The following CCDC38 variants were observed in gnomAD, a reference collection of about 807,000 sequenced individuals.
CCDC38 encodes the protein coiled-coil domain containing 38, also known as coiled-coil domain-containing protein 38.
In CCDC38, 69 loss-of-function variants were observed where a neutral mutation model predicts 72.8. That is an observed-to-expected ratio of 0.95 (90% CI 0.78 to 1.16). CCDC38 has a LOEUF of 1.16. Among genes scored for constraint, CCDC38 ranks in the 50% most tolerant of loss-of-function variants. The probability of loss-of-function intolerance (pLI) is 0.00; values close to 1 mark genes in which losing one functional copy is unlikely to be tolerated. For synonymous variants in CCDC38, 201 were observed against 213.2 expected (o/e 0.94, Z 0.50); for missense variants, 626 against 638.9 (o/e 0.98, Z 0.22).
Position 95,879,536 on chromosome 12 carries a change from C to T in CCDC38, c.1142+108G>A. Reference sequence around the variant, plus strand: ...CAATGTAAACTATTAAAAACCCCAGCCTACATTCACAGAGACCACGAGGAA... The same window carrying T: ...CAATGTAAACTATTAAAAACCCCAGTCTACATTCACAGAGACCACGAGGAA... On this transcript the variant is annotated intron_variant, in intron 12 of 15. Transcript: ENST00000344280. The surrounding 1 kb of genome is among the most constrained non-coding windows in gnomAD (Gnocchi z 5.5). 1 of 692,776 alleles carries T rather than the reference C, an allele frequency of 1.4e-6. No homozygotes were observed. The highest frequency in any genetic ancestry group is 2.4e-6 in the Non-Finnish European group (1 of 419,130). 42.9% of individuals were successfully genotyped at this position (692,776 alleles called of 1,614,324 possible).
rs1340618969 is a variant in CCDC38 at position 95,890,861 on chromosome 12, T to C, written c.842A>G (p.Glu281Gly). The C allele has an allele frequency of 1.2e-6, 2 of 1,606,696 alleles. No individual in the cohort carries two copies. Among genetic ancestry groups the C allele is most frequent in the African/African-American group, 2.7e-5 (2 of 74,728 alleles). Reference sequence around the variant, plus strand: ...GCTGTCTCTTCCCTGAGAAGCATCTTCTGAAAGGACAGCTGTCCTCCCGGA... The same window carrying C: ...GCTGTCTCTTCCCTGAGAAGCATCTCCTGAAAGGACAGCTGTCCTCCCGGA... ...EESGRTAVLS[E>G]DASQGRDSQG... The change falls in exon 9 of 16, where the codon GAA (glutamate) becomes GGA (glycine). Residue 281 changes from glutamate to glycine, a missense_variant. By Grantham distance (98) the Glu-to-Gly change is moderately conservative. Coordinates refer to ENST00000344280, the MANE Select transcript of CCDC38 (RefSeq NM_182496.3).
intron 4 of CCDC38, among the ~76,000 whole-genome samples, chr12:95,911,308 A>G (rs1414633237): frequency 2.0e-5 from 3 of 152,210 alleles, no homozygotes; most frequent in Non-Finnish European, 4.4e-5. Flanking sequence ...AATCTGGGAC[A>G]TACTCTTCCA....
At chr12:95,941,650 T>A (rs1264379723) in intron 1 of CCDC38, among the ~76,000 whole-genome samples, 1 of 152,262 alleles carries the variant, frequency 6.6e-6, no homozygotes, top group African/African-American at 2.4e-5. Context: ...GATTAAAGTC[T>A]TCAGCAGAAA....
intron 4 of CCDC38, among the ~76,000 whole-genome samples, chr12:95,912,555 G>A (rs1354852938): frequency 2.6e-5 from 4 of 152,138 alleles, no homozygotes; most frequent in Admixed American, 2.6e-4. Context: ...AGCGCTGTAA[G>A]GTGACTATAG....
In CCDC38 at chr12:95,890,995, AAG is replaced by A; in HGVS notation, c.773-67_773-66del. The A allele has an allele frequency of 4.6e-6, 4 of 870,734 alleles. No individual in the cohort carries two copies. The Admixed American group carries it at 5.8e-5, about 13-fold the overall frequency. The allele number at this position is 870,734 out of a possible 1,614,324, so 53.9% of individuals were successfully genotyped here. A position where few individuals can be genotyped will look rare whatever the true frequency, so the allele number is the denominator to read the frequency against. On this transcript the variant is annotated intron_variant, in intron 8 of 15. Coordinates refer to ENST00000344280, the MANE Select transcript of CCDC38 (RefSeq NM_182496.3). ...TGGGGGGAAAAAAACACTGCTGAGA[AAG>A]AGAGCTTTGTCTCAGGGTGAAGATA...
chr12:95,941,330 C>T (rs2080448415), intron 1 of CCDC38, among the ~76,000 whole-genome samples: 1 of 152,168 alleles, frequency 6.6e-6, no homozygotes, highest in African/African-American at 2.4e-5. Flanking sequence ...AGGATTAAAA[C>T]ACACGAATAA....
At chr12:95,897,132 T>G (rs1027695303) in intron 7 of CCDC38, among the ~76,000 whole-genome samples, 6 of 152,150 alleles carry the variant, frequency 3.9e-5, no homozygotes, top group African/African-American at 1.4e-4. Flanking sequence ...CTGCTTTATT[T>G]CAGACTCGCT....
At chr12:95,935,754 A>G (rs1479801728) in intron 2 of CCDC38, among the ~76,000 whole-genome samples, 1 of 152,178 alleles carries the variant, frequency 6.6e-6, no homozygotes, top group Non-Finnish European at 1.5e-5. Context: ...CTTATATACC[A>G]ATAAATACTA....
intron 10 of CCDC38, among the ~76,000 whole-genome samples, chr12:95,888,220 A>G (rs1285574629): frequency 1.3e-5 from 2 of 152,220 alleles, no homozygotes; most frequent in African/African-American, 2.4e-5. Context: ...TGAGAAGCAA[A>G]GACCCAAGAT....
intron 1 of CCDC38, 71 bp from the exon 2 acceptor site, chr12:95,936,594 G>T: frequency 1.6e-6 from 2 of 1,234,468 alleles, no homozygotes; most frequent in Non-Finnish European, 2.3e-6. Flanking sequence ...AAATTCAACT[G>T]CCAATGACTC....
chr12:95,868,968 T>C (rs896400342), intron 15 of CCDC38, among the ~76,000 whole-genome samples: 1 of 152,208 alleles, frequency 6.6e-6, no homozygotes, highest in Non-Finnish European at 1.5e-5. Context: ...TGCGATTCTC[T>C]GGGTTCACAT....
intron 8 of CCDC38, 99 bp downstream of exon 8, chr12:95,894,890 C>T (rs2079868722): frequency 1.0e-6 from 1 of 999,312 alleles, no homozygotes; most frequent in Admixed American, 2.5e-5. Context: ...TAGTTTAGAT[C>T]CTGCTTAAAA....
At chr12:95,909,081 T>C (rs934590963) in intron 4 of CCDC38, among the ~76,000 whole-genome samples, 1 of 151,426 alleles carries the variant, frequency 6.6e-6, no homozygotes, top group East Asian at 2.0e-4. Flanking sequence ...GACAAAAAAA[T>C]AAAATCATAC....
At chr12:95,890,103 G>GT (rs1480233669) in intron 9 of CCDC38, among the ~76,000 whole-genome samples, 2 of 152,036 alleles carry the variant, frequency 1.3e-5, no homozygotes, top group Non-Finnish European at 2.9e-5. Context: ...GCAGATATGG[G>GT]TTTTTTCCAT....
At chr12:95,886,956 T>C (rs1480460087) in intron 10 of CCDC38, among the ~76,000 whole-genome samples, 1 of 152,186 alleles carries the variant, frequency 6.6e-6, no homozygotes, top group African/African-American at 2.4e-5. Context: ...GGCCAAGTCA[T>C]GTGGATCACC....
intron 11 of CCDC38, among the ~76,000 whole-genome samples, chr12:95,881,097 A>G (rs2079695093): frequency 6.6e-6 from 1 of 151,994 alleles, no homozygotes; most frequent in South Asian, 2.1e-4. Context: ...GGTTAGCTCA[A>G]AGTCAATCTT....
chr12:95,935,237 T>C (rs1222016294), intron 2 of CCDC38: 2 of 152,332 alleles, frequency 1.3e-5, no homozygotes, highest in Non-Finnish European at 2.9e-5. Flanking sequence ...ATACTACTAG[T>C]GAACCCCCAA....
intron 15 of CCDC38, among the ~76,000 whole-genome samples, chr12:95,868,298 G>A (rs1315798885): frequency 4.0e-5 from 6 of 151,874 alleles, no homozygotes; most frequent in South Asian, 2.1e-4. Context: ...GAATACAAAC[G>A]TCATAAAACT....
intron 2 of CCDC38, among the ~76,000 whole-genome samples, chr12:95,922,835 T>G (rs1238573567): frequency 1.3e-5 from 2 of 152,122 alleles, no homozygotes; most frequent in African/African-American, 2.4e-5. Flanking sequence ...GATTGAGGAC[T>G]CAAAAGGACC....
Sources: allele counts gnomAD v4.1 joint callset (sites outside exome capture counted in the v4.1 genomes callset), GRCh38; gene constraint gnomAD v4.1.1; non-coding constraint Gnocchi (gnomAD v3.1); transcripts MANE v1.5; gene names NCBI Gene and HGNC (gene_info 2026-07-23, HGNC 2026-07-21).